The following COG5 variants were observed in gnomAD, a reference collection of about 807,000 sequenced individuals.
COG5 encodes component of oligomeric golgi complex 5, also known as conserved oligomeric Golgi complex subunit 5.
A neutral mutation model predicts 110.4 loss-of-function variants in COG5; 86 were observed. The observed-to-expected ratio is 0.78, with a 90% confidence interval of 0.65 to 0.93. The LOEUF (loss-of-function observed/expected upper bound fraction) is 0.93, where lower values mean the gene tolerates loss of function less well. Among genes scored for constraint, COG5 ranks in the 40% least tolerant of loss-of-function variants. COG5 has a pLI of 0.00. For missense variants in COG5, 1,077 were observed against 987.0 expected (o/e 1.09, Z -1.22); for synonymous variants, 360 against 334.6 (o/e 1.08, Z -0.83).
intron 14 of COG5, among the ~76,000 whole-genome samples, chr7:107,280,104 T>C (rs1266446764): frequency 6.6e-6 from 1 of 152,072 alleles, no homozygotes; most frequent in Non-Finnish European, 1.5e-5. Context: ...TTTATAGCAA[T>C]AACCATGTTT....
chr7:107,485,491 C>T (rs1360837437), intron 6 of COG5, among the ~76,000 whole-genome samples: 3 of 152,152 alleles, frequency 2.0e-5, no homozygotes, highest in African/African-American at 7.2e-5. Flanking sequence ...AACACATATG[C>T]TTACCAATTT....
At chr7:107,557,855 T>G in intron 2 of COG5, 121 bp downstream of exon 2, 2 of 1,281,398 alleles carry the variant, frequency 1.6e-6, no homozygotes, top group African/African-American at 1.5e-5. Context: ...GAAAAATAAG[T>G]CACACTGGTA....
intron 11 of COG5, among the ~76,000 whole-genome samples, chr7:107,318,412 G>A (rs796485023): frequency 8.5e-5 from 13 of 152,256 alleles, no homozygotes; most frequent in African/African-American, 3.1e-4. Flanking sequence ...TTTAAAGAAA[G>A]AAAATAAAAT....
intron 5 of COG5, among the ~76,000 whole-genome samples, chr7:107,546,102 A>G (rs1180439403): frequency 6.6e-6 from 1 of 152,198 alleles, no homozygotes; most frequent in Non-Finnish European, 1.5e-5. Flanking sequence ...TCTCAAAAAA[A>G]ATAAACAACA....
chr7:107,314,110 G>T (rs1180457736), intron 11 of COG5, among the ~76,000 whole-genome samples: 2 of 152,108 alleles, frequency 1.3e-5, no homozygotes, highest in East Asian at 3.9e-4. Context: ...GGGACTTTTA[G>T]AAACATTTTG....
At chr7:107,530,021 C>T (rs1402822669) in intron 5 of COG5, among the ~76,000 whole-genome samples, 1 of 152,194 alleles carries the variant, frequency 6.6e-6, no homozygotes, top group African/African-American at 2.4e-5. Flanking sequence ...TAAGCTCTTA[C>T]TCTAAGACTG....
At chr7:107,311,855 A>G (rs533877174) in intron 11 of COG5, among the ~76,000 whole-genome samples, 2 of 151,406 alleles carry the variant, frequency 1.3e-5, no homozygotes, top group Non-Finnish European at 2.9e-5. Context: ...CATGCAAAAA[A>G]TTTTTTAACA....
chr7:107,515,579 C>T (rs2129147516), intron 6 of COG5, among the ~76,000 whole-genome samples: 1 of 152,168 alleles, frequency 6.6e-6, no homozygotes, highest in South Asian at 2.1e-4. Flanking sequence ...CCTGTGAATC[C>T]CATATTCCAT....
chr7:107,518,291 C>CAAA (rs2129149397), intron 6 of COG5, among the ~76,000 whole-genome samples: 1 of 152,238 alleles, frequency 6.6e-6, no homozygotes, highest in South Asian at 2.1e-4. Context: ...ATGACAGGAT[C>CAAA]AAATTCACAC....
rs1798308164 is a variant in COG5, at chr7:107,201,546, C to CTGAT, written c.*1966_*1969dup. The CTGAT allele has an allele frequency of 1.7e-6, 1 of 591,276 alleles. No individual in the cohort carries two copies. Among genetic ancestry groups the CTGAT allele is most frequent in the South Asian group, 2.5e-5 (1 of 40,546 alleles). 36.6% of individuals were successfully genotyped at this position (591,276 alleles called of 1,614,324 possible). A position where few individuals can be genotyped will look rare whatever the true frequency, so the allele number is the denominator to read the frequency against. The stretch of plus-strand genomic sequence containing the variant: ...CCTCAATTCGTGTGACCATAAGATA[C>CTGAT]TGATAGCATTGAGTCTTGAAATGAT... On this transcript the variant is annotated 3_prime_UTR_variant, in exon 22 of 22. Coordinates refer to ENST00000297135, the MANE Select transcript of COG5 (RefSeq NM_006348.5).
intron 3 of COG5, among the ~76,000 whole-genome samples, chr7:107,553,051 G>A (rs924509089): frequency 1.3e-5 from 2 of 152,132 alleles, no homozygotes; most frequent in African/African-American, 2.4e-5. Context: ...ATAAGTGGGA[G>A]CTAAACATTG....
chr7:107,317,590 G>C (rs1230591965), intron 11 of COG5, among the ~76,000 whole-genome samples: 2 of 152,142 alleles, frequency 1.3e-5, no homozygotes, highest in East Asian at 3.9e-4. Context: ...ATAAATAGCA[G>C]ATTATTACTG....
chr7:107,562,770 A>C (rs1197511728), intron 1 of COG5, among the ~76,000 whole-genome samples: 1 of 152,254 alleles, frequency 6.6e-6, no homozygotes, highest in Non-Finnish European at 1.5e-5. Context: ...ATGACAATAA[A>C]ATATTTAACA....
intron 6 of COG5, among the ~76,000 whole-genome samples, chr7:107,488,222 C>T (rs1057511532): frequency 6.6e-6 from 1 of 151,710 alleles, no homozygotes; most frequent in Non-Finnish European, 1.5e-5. Context: ...TCCTCTGTTA[C>T]ATTTTGGGTC....
intron 6 of COG5, among the ~76,000 whole-genome samples, chr7:107,508,053 C>G (rs973378047): frequency 4.0e-4 from 61 of 152,204 alleles, no homozygotes; most frequent in Admixed American, 3.9e-3. Context: ...GTGCAACGCA[C>G]CATGCACGAG....
intron 6 of COG5, among the ~76,000 whole-genome samples, chr7:107,441,437 G>A (rs977909786): frequency 2.6e-5 from 4 of 151,952 alleles, no homozygotes; most frequent in African/African-American, 4.8e-5. Context: ...TGTTTTTGTC[G>A]TTTATGCCTT....
At chr7:107,208,055 G>C (rs1798902339) in intron 21 of COG5, 14 of 985,428 alleles carry the variant, frequency 1.4e-5, no homozygotes, top group Non-Finnish European at 1.7e-5. Flanking sequence ...ATCCAGTGAT[G>C]CTTCAGTATG....
intron 11 of COG5, among the ~76,000 whole-genome samples, chr7:107,318,481 A>T (rs1204242194): frequency 6.6e-6 from 1 of 152,246 alleles, no homozygotes; most frequent in East Asian, 1.9e-4. Flanking sequence ...TTTTAAATTA[A>T]TATGTGACAA....
rs551123265 is a variant in COG5, at chr7:107,484,422, T to C, written c.538+42815A>G. ...ATTCTACATACTTTCTACTAGGTCATTTAAACAGGGAAAAGGAGCTGATTA... is the reference window on the plus strand; with the variant it reads ...ATTCTACATACTTTCTACTAGGTCACTTAAACAGGGAAAAGGAGCTGATTA... On this transcript the variant is annotated intron_variant, in intron 6 of 21. Coordinates refer to ENST00000297135, the MANE Select transcript of COG5 (RefSeq NM_006348.5). 2.6e-5 allele frequency among the ~76,000 whole-genome samples: 4 copies of C among 152,276 alleles called. No homozygotes were observed. The South Asian group carries it at 6.2e-4, about 24-fold the overall frequency.
Sources: gnomAD v4.1 joint callset for allele counts (sites outside exome capture counted in the v4.1 genomes callset) on GRCh38, gnomAD v4.1.1 for gene constraint, MANE v1.5 for transcripts, NCBI Gene and HGNC (gene_info 2026-07-23, HGNC 2026-07-21) for gene names.